The following THSD1 variants were observed in gnomAD, a reference collection of about 807,000 sequenced individuals.
THSD1 encodes thrombospondin type-1 domain-containing protein 1.
Under a neutral mutation model 46.3 loss-of-function variants are expected in THSD1, and 34 were observed. The observed-to-expected ratio is 0.74, with a 90% CI of 0.56 to 0.98. The LOEUF is 0.98. Among genes scored for constraint, THSD1 ranks in the 50% least tolerant of loss-of-function variants. THSD1 has a pLI of 0.00. For synonymous variants in THSD1, 407 were observed against 416.5 expected, an observed-to-expected ratio of 0.98 and a Z score of 0.28; for missense variants, 1,023 against 1,058.3, an observed-to-expected ratio of 0.97 and a Z score of 0.46.
rs748443087 is a variant in THSD1, at chr13:52,397,551, A to G, written c.702T>C (p.Ile234=). The G allele has an allele frequency of 1.5e-5, 24 of 1,614,112 alleles. No homozygotes were observed. The Middle Eastern group carries it at 8.2e-4, about 55-fold the overall frequency. The change falls in exon 3 of 5, where the codon ATT becomes ATC. Residue 234 remains isoleucine (I), a synonymous_variant. Coordinates refer to ENST00000258613, the MANE Select transcript of THSD1 (RefSeq NM_018676.4). ...TGTATCCAAATTTCTGGGCCAGGTC[A>G]ATGGGTCCTGTGGAGGTAATGACTG... ...RDSVITSTGP[I]DLAQKFGYKL...
At chr13:52,384,433 T>G (rs1342632264) in intron 4 of THSD1, 2 of 455,822 alleles carry the variant, frequency 4.4e-6, no homozygotes, top group Admixed American at 2.4e-5. Flanking sequence ...ATCTGCAATG[T>G]GGAAATAAGA....
chr13:52,398,428 C>T, intron 2 of THSD1: 1 of 699,286 alleles, frequency 1.4e-6, no homozygotes, highest in Non-Finnish European at 1.8e-6. Context: ...TGCCACCACA[C>T]CCAGCTAATT....
chr13:52,401,423 C>T (rs543784225), intron 2 of THSD1, among the ~76,000 whole-genome samples: 7 of 152,120 alleles, frequency 4.6e-5, no homozygotes, highest in Non-Finnish European at 7.4e-5. Flanking sequence ...CTTAGCCTTC[C>T]GGGTAGCTGG....
At chr13:52,390,710 G>A (rs1293762242) in intron 3 of THSD1, among the ~76,000 whole-genome samples, 2 of 152,122 alleles carry the variant, frequency 1.3e-5, no homozygotes, top group Non-Finnish European at 2.9e-5. Flanking sequence ...TCCGACTACT[G>A]TAAAATCTGA....
Position 52,397,839 on chromosome 13 carries a change from G to A in THSD1, c.414C>T (p.Ala138=), listed in dbSNP as rs759054235. The A allele has an allele frequency of 1.2e-6, 2 of 1,614,208 alleles. No individual in the cohort carries two copies. The highest frequency in any genetic ancestry group is 2.2e-5 in the South Asian group (2 of 91,082). The stretch of plus-strand genomic sequence containing the variant: ...CTTGGAAGGTGCCTTCTGCTGCCTT[G>A]GCACTCCTATTCAAGTCAACGTGAA... ...PVFHVDLNRS[A]KAAEGTFQVG... is the part of the protein sequence containing the mutation. Residue 138 remains alanine, a synonymous_variant, in exon 3 of 5, where the codon GCC becomes GCT. Coordinates refer to ENST00000258613, the MANE Select transcript of THSD1 (RefSeq NM_018676.4).
intron 1 of THSD1, among the ~76,000 whole-genome samples, chr13:52,403,631 A>G (rs910975330): frequency 4.6e-5 from 7 of 152,022 alleles, no homozygotes; most frequent in Non-Finnish European, 1.0e-4. Context: ...ACAGGCGCCC[A>G]CCACCATGCC....
chr13:52,380,763 T>G (rs1020617171), intron 4 of THSD1, among the ~76,000 whole-genome samples: 2 of 152,174 alleles, frequency 1.3e-5, no homozygotes, highest in Admixed American at 1.3e-4. Flanking sequence ...AGAAGCAGAG[T>G]GCGTTCCCCA....
intron 1 of THSD1, among the ~76,000 whole-genome samples, chr13:52,404,510 C>CA (rs1454318930): frequency 9.9e-5 from 15 of 151,592 alleles, no homozygotes; most frequent in Admixed American, 3.3e-4. Flanking sequence ...CACCCCCACC[C>CA]AAAAAAAAGA....
At chr13:52,389,825 C>A (rs111321791) in intron 3 of THSD1, among the ~76,000 whole-genome samples, 7,525 of 152,002 alleles carry the variant, frequency 0.05, 212 homozygotes, top group South Asian at 0.069. Context: ...CCAGACAGAA[C>A]AAATGAGTAA....
rs1340148546 is a variant in THSD1 at position 52,377,932 on chromosome 13, C to T, written c.2038G>A (p.Ala680Thr). Reference protein sequence around the residue: ...MSTLTPRQAPAYSSRTRTCEQ... With the variant: ...MSTLTPRQAPTYSSRTRTCEQ... The stretch of plus-strand genomic sequence containing the variant: ...CAGGTCCGCGTCCTAGAGCTGTAGG[C>T]AGGGGCCTGCCGTGGAGTCAGAGTG... Residue 680 changes from alanine (A) to threonine (T), a missense_variant, in exon 5 of 5, where the codon GCC (alanine) becomes ACC (threonine). Transcript: ENST00000258613. 6.2e-7 allele frequency: 1 copy of T among 1,613,946 alleles called. No individual in the cohort carries two copies. Among genetic ancestry groups the T allele is most frequent in the African/African-American group, 1.3e-5 (1 of 74,936 alleles).
chr13:52,378,433 T>C lies in THSD1; in HGVS notation c.1537A>G (p.Ser513Gly), dbSNP rs774695123. ...PVPPEDDASG[S>G]ESFQSNAQKI... ...TGGGCGTTGGACTGGAAGCTCTCGC[T>C]GCCAGAGGCATCATCCTCGGGAGGT... Residue 513 changes from serine to glycine, a missense_variant, in exon 5 of 5, where the codon AGC becomes GGC. Ser to Gly is a moderately conservative substitution (Grantham distance 56). Coordinates refer to ENST00000258613, the MANE Select transcript of THSD1 (RefSeq NM_018676.4). The C allele has an allele frequency of 4.3e-6, 7 of 1,614,170 alleles. No individual in the cohort carries two copies. The highest frequency in any genetic ancestry group is 5.9e-6 in the Non-Finnish European group (7 of 1,180,048).
intron 4 of THSD1, among the ~76,000 whole-genome samples, chr13:52,385,814 A>T (rs1957726683): frequency 1.3e-5 from 2 of 152,214 alleles, no homozygotes; most frequent in African/African-American, 4.8e-5. Flanking sequence ...CTACAGTGGT[A>T]AATCCCATTA....
intron 4 of THSD1, among the ~76,000 whole-genome samples, chr13:52,381,551 C>A (rs1957692451): frequency 6.6e-6 from 1 of 152,196 alleles, no homozygotes; most frequent in South Asian, 2.1e-4. Context: ...GCTTCTTCTG[C>A]AATCCTCCTC....
At position 52,378,650 on chromosome 13, in the gene THSD1, G is replaced by T. The variant is rs1198472793; in HGVS notation, c.1320C>A (p.Gly440=). The T allele has an allele frequency of 1.2e-6, 2 of 1,613,970 alleles. No homozygotes were observed. Among genetic ancestry groups the T allele is most frequent in the Admixed American group, 3.3e-5 (2 of 59,994 alleles). The change falls in exon 5 of 5, where the codon GGC becomes GGA. Residue 440 remains glycine, a synonymous_variant. Transcript: ENST00000258613. ...TVLITLWRRF[G]RPAKCSTPAR... is the part of the protein sequence containing the mutation. ...CAGGTGTGCTGCACTTGGCTGGCCGGCCGAACCTCCTCCACAGCGTGATGA... is the reference window on the plus strand; with the variant it reads ...CAGGTGTGCTGCACTTGGCTGGCCGTCCGAACCTCCTCCACAGCGTGATGA...
At chr13:52,385,500 G>C (rs1240960724) in intron 4 of THSD1, among the ~76,000 whole-genome samples, 1 of 152,166 alleles carries the variant, frequency 6.6e-6, no homozygotes, top group East Asian at 1.9e-4. Context: ...GTCTTCGGAT[G>C]ACAGCATGAA....
intron 3 of THSD1, among the ~76,000 whole-genome samples, chr13:52,393,623 A>T (rs894204907): frequency 1.3e-5 from 2 of 152,206 alleles, no homozygotes; most frequent in African/African-American, 4.8e-5. Context: ...GCACCACTGC[A>T]CTACATCCTG....
chr13:52,398,306 T>G (rs912136052), intron 2 of THSD1, 112 bp from the exon 3 acceptor site: 36 of 1,475,750 alleles, frequency 2.4e-5, no homozygotes, highest in Non-Finnish European at 3.1e-5. Flanking sequence ...GGTCTCATGC[T>G]GTCACCGAGG....
intron 3 of THSD1, among the ~76,000 whole-genome samples, chr13:52,389,552 C>T (rs1023303072): frequency 2.6e-5 from 4 of 151,644 alleles, no homozygotes; most frequent in African/African-American, 4.9e-5. Flanking sequence ...AGTAAAAAAA[C>T]GGAAGATATG....
intron 1 of THSD1, among the ~76,000 whole-genome samples, chr13:52,403,913 G>C (rs1594105950): frequency 1.7e-5 from 2 of 116,818 alleles, no homozygotes; most frequent in South Asian, 5.9e-4. Context: ...CTTTCTTAAT[G>C]TTTAAGGTCC....
Sources: allele counts gnomAD v4.1 joint callset (sites outside exome capture counted in the v4.1 genomes callset), GRCh38; gene constraint gnomAD v4.1.1; transcripts MANE v1.5; gene names NCBI Gene and HGNC (gene_info 2026-07-23, HGNC 2026-07-21).